The following METTL24 variants were observed in gnomAD, a reference collection of about 807,000 sequenced individuals.
The protein encoded by METTL24 is methyltransferase like 24.
METTL24 carries 29 observed loss-of-function variants against 32.7 expected under a neutral mutation model. That is an observed-to-expected ratio of 0.89 (90% CI 0.66 to 1.21). The LOEUF (loss-of-function observed/expected upper bound fraction) is 1.21, where lower values mean the gene tolerates loss of function less well. Ranked by LOEUF, METTL24 falls within the 50% of genes most tolerant of loss-of-function variation. The pLI, the probability that METTL24 is intolerant of heterozygous loss-of-function variation, is 0.00. For synonymous variants in METTL24, 163 were observed against 179.5 expected (o/e 0.91, Z 0.73); for missense variants, 439 against 468.1 (o/e 0.94, Z 0.57).
At chr6:110,257,288 G>A (rs1236172440) in intron 4 of METTL24, among the ~76,000 whole-genome samples, 2 of 152,068 alleles carry the variant, frequency 1.3e-5, no homozygotes, top group Non-Finnish European at 2.9e-5. Context: ...TTTGTTGTGG[G>A]TGTGTACAAG....
intron 1 of METTL24, among the ~76,000 whole-genome samples, chr6:110,335,583 T>G (rs1306623329): frequency 1.0e-4 from 15 of 147,388 alleles, no homozygotes; most frequent in East Asian, 8.0e-4. Context: ...TTTTTTTTTT[T>G]TTTTTTTTTT....
intron 1 of METTL24, among the ~76,000 whole-genome samples, chr6:110,350,418 T>C (rs988136894): frequency 4.6e-5 from 7 of 152,002 alleles, no homozygotes; most frequent in African/African-American, 1.7e-4. Flanking sequence ...GATACAGAAA[T>C]AATCATGCAT....
chr6:110,259,786 G>C (rs1778456483), intron 4 of METTL24, among the ~76,000 whole-genome samples: 1 of 152,180 alleles, frequency 6.6e-6, no homozygotes, highest in Non-Finnish European at 1.5e-5. Flanking sequence ...GGAAGATCAG[G>C]CAGCAACATT....
chr6:110,348,052 A>G (rs1772514356), intron 1 of METTL24, among the ~76,000 whole-genome samples: 1 of 152,222 alleles, frequency 6.6e-6, no homozygotes, highest in Admixed American at 6.5e-5. Flanking sequence ...ACAAGCACAC[A>G]CATCGATACA....
intron 4 of METTL24, among the ~76,000 whole-genome samples, chr6:110,267,343 T>C (rs9320323): frequency 0.57 from 87,263 of 152,164 alleles, 27,794 homozygotes; most frequent in African/African-American, 0.88. Flanking sequence ...ATTTATGTAG[T>C]GATTAGAATG....
Position 110,351,924 on chromosome 6 carries a change from C to T in METTL24, c.318+6031G>A, listed in dbSNP as rs78008105. The stretch of plus-strand genomic sequence containing the variant: ...TCTTCCTCCAATTCAGTGAGAAATC[C>T]CAAGGTTTCCCAATAAATTTAATTC... On this transcript the variant is annotated intron_variant, in intron 1 of 4. Coordinates refer to ENST00000338882, the MANE Select transcript of METTL24 (RefSeq NM_001123364.3). Among the ~76,000 whole-genome samples the T allele has an allele frequency of 8.6e-3, 1,314 of 152,252 alleles. 19 individuals carry two copies. The highest frequency in any genetic ancestry group is 0.03 in the African/African-American group (1,256 of 41,538).
At chr6:110,272,254 G>A (rs1770970361) in intron 4 of METTL24, among the ~76,000 whole-genome samples, 1 of 150,556 alleles carries the variant, frequency 6.6e-6, no homozygotes, top group African/African-American at 2.4e-5. Flanking sequence ...ACTTCACTTA[G>A]AATAATGGCC....
chr6:110,299,388 A>C (rs751294971), intron 3 of METTL24, among the ~76,000 whole-genome samples: 8 of 152,250 alleles, frequency 5.3e-5, no homozygotes, highest in Non-Finnish European at 1.2e-4. Context: ...CACATACTCA[A>C]ACATGTAGGC....
At chr6:110,281,475 T>C (rs1353035044) in intron 4 of METTL24, among the ~76,000 whole-genome samples, 1 of 151,784 alleles carries the variant, frequency 6.6e-6, no homozygotes, top group Non-Finnish European at 1.5e-5. Context: ...ACCCCGTCTC[T>C]ACTAAAAATA....
intron 4 of METTL24, among the ~76,000 whole-genome samples, chr6:110,280,736 C>T (rs1362444178): frequency 2.0e-5 from 3 of 151,720 alleles, no homozygotes; most frequent in African/African-American, 7.3e-5. Context: ...TGATTTACTA[C>T]AGCATTGGCC....
At chr6:110,287,233 C>A (rs569225244) in intron 4 of METTL24, among the ~76,000 whole-genome samples, 1 of 152,188 alleles carries the variant, frequency 6.6e-6, no homozygotes, top group East Asian at 1.9e-4. Context: ...AAAACAAAAA[C>A]AACAAACATT....
intron 3 of METTL24, among the ~76,000 whole-genome samples, chr6:110,302,111 T>TA (rs1008368541): frequency 5.3e-5 from 8 of 151,674 alleles, no homozygotes; most frequent in African/African-American, 1.7e-4. Flanking sequence ...CCATCTCTAC[T>TA]AAAAAAATAC....
intron 1 of METTL24, among the ~76,000 whole-genome samples, chr6:110,353,442 C>A (rs1384891102): frequency 6.6e-6 from 1 of 152,004 alleles, no homozygotes; most frequent in Non-Finnish European, 1.5e-5. Flanking sequence ...TTTCCTCTTT[C>A]TTCTTGATGA....
At chr6:110,282,672 G>A (rs1013184447) in intron 4 of METTL24, among the ~76,000 whole-genome samples, 1 of 151,056 alleles carries the variant, frequency 6.6e-6, no homozygotes, top group South Asian at 2.1e-4. Context: ...CATTAACATT[G>A]CTCTCCTGTG....
chr6:110,274,100 G>A (rs1334008540), intron 4 of METTL24, among the ~76,000 whole-genome samples: 13 of 151,482 alleles, frequency 8.6e-5, no homozygotes, highest in Admixed American at 8.6e-4. Context: ...GGAGCCTTTT[G>A]TTTTGTTTTT....
At chr6:110,288,604 C>T (rs994975504) in intron 4 of METTL24, among the ~76,000 whole-genome samples, 6 of 152,060 alleles carry the variant, frequency 3.9e-5, no homozygotes, top group Non-Finnish European at 8.8e-5. Flanking sequence ...GCACCCCTTT[C>T]CCCCATGCCA....
chr6:110,350,608 ATACT>A lies in METTL24; in HGVS notation c.318+7343_318+7346del, dbSNP rs1772575987. On this transcript the variant is annotated intron_variant, in intron 1 of 4. Coordinates refer to ENST00000338882, the MANE Select transcript of METTL24 (RefSeq NM_001123364.3). ...AATTGGTATCATGGGCTAAATACTG[ATACT>A]TACGTTCTCTACTAAATGTCCTCGA... Among the ~76,000 whole-genome samples, 3 of 151,856 alleles carry A rather than the reference ATACT, an allele frequency of 2.0e-5. No homozygotes were observed. The South Asian group carries it at 6.2e-4, about 32-fold the overall frequency.
intron 1 of METTL24, among the ~76,000 whole-genome samples, chr6:110,326,453 C>T (rs1772018223): frequency 6.6e-6 from 1 of 152,082 alleles, no homozygotes; most frequent in Admixed American, 6.5e-5. Flanking sequence ...TCTTGTTCAC[C>T]TGTCTTTTGT....
chr6:110,357,686 G>A, intron 1 of METTL24: 1 of 180,568 alleles, frequency 5.5e-6, no homozygotes. Flanking sequence ...TTCACGGGAT[G>A]CGCGGAGCCT....
Sources: allele counts gnomAD v4.1 joint callset (sites outside exome capture counted in the v4.1 genomes callset), GRCh38; gene constraint gnomAD v4.1.1; transcripts MANE v1.5; gene names NCBI Gene and HGNC (gene_info 2026-07-23, HGNC 2026-07-21).